Variants in ESR1 observed in about 807,000 individuals in gnomAD.
ESR1 encodes the protein estrogen receptor 1.
Under a neutral mutation model 52.7 loss-of-function variants are expected in ESR1, and 12 were observed. The observed-to-expected ratio is 0.23, with a 90% CI of 0.15 to 0.37. The LOEUF (loss-of-function observed/expected upper bound fraction) is 0.37, where lower values mean the gene tolerates loss of function less well. ESR1 is among the 10% of genes least tolerant of loss of function. ESR1 has a pLI of 1.00. For synonymous variants in ESR1, 305 were observed against 316.8 expected, an observed-to-expected ratio of 0.96 and a Z score of 0.39; for missense variants, 584 against 779.7, an observed-to-expected ratio of 0.75 and a Z score of 2.99.
At chr6:151,939,339 G>C (rs75681626) in intron 3 of ESR1, among the ~76,000 whole-genome samples, 5 of 152,124 alleles carry the variant, frequency 3.3e-5, no homozygotes, top group Admixed American at 2.6e-4. Context: ...TAGACAGTTG[G>C]GGGGTGAACT....
intron 1 of ESR1, among the ~76,000 whole-genome samples, chr6:151,808,699 C>T (rs935649489): frequency 6.6e-6 from 1 of 152,180 alleles, no homozygotes. Context: ...TGGGGGAAAA[C>T]ACCTCCAGGC....
intron 2 of ESR1, among the ~76,000 whole-genome samples, chr6:151,791,355 G>A (rs1776135963): frequency 6.6e-6 from 1 of 152,126 alleles, no homozygotes; most frequent in Admixed American, 6.5e-5. Context: ...TTATAAATGG[G>A]AGTTCTCTTT....
chr6:151,710,680 G>A (rs759816794), intron 2 of ESR1, among the ~76,000 whole-genome samples: 42 of 152,132 alleles, frequency 2.8e-4, no homozygotes, highest in Admixed American at 1.7e-3. Context: ...CCATCAACCC[G>A]TCATCTACAT....
At chr6:151,852,343 C>T (rs1348399538) in intron 2 of ESR1, among the ~76,000 whole-genome samples, 1 of 152,148 alleles carries the variant, frequency 6.6e-6, no homozygotes, top group Non-Finnish European at 1.5e-5. Context: ...GAAGGTTGCA[C>T]ATTATTAATA....
intron 3 of ESR1, among the ~76,000 whole-genome samples, chr6:151,940,101 T>A (rs2034874828): frequency 6.6e-6 from 1 of 152,090 alleles, no homozygotes; most frequent in Non-Finnish European, 1.5e-5. Context: ...GGCCTCACAG[T>A]CATGGCAGAA....
intron 4 of ESR1, among the ~76,000 whole-genome samples, chr6:152,011,066 T>C (rs754254307): frequency 7.2e-5 from 11 of 152,144 alleles, no homozygotes; most frequent in Non-Finnish European, 1.6e-4. Flanking sequence ...ATTTTGGTGG[T>C]TATTACCCGA....
intron 1 of ESR1, among the ~76,000 whole-genome samples, chr6:151,674,307 T>G (rs955321917): frequency 3.3e-5 from 5 of 152,298 alleles, no homozygotes; most frequent in East Asian, 1.9e-4. Context: ...CTGTGTTAGT[T>G]TGCTGAGAAT....
At chr6:151,958,452 G>A (rs562892317) in intron 4 of ESR1, among the ~76,000 whole-genome samples, 2 of 152,252 alleles carry the variant, frequency 1.3e-5, no homozygotes, top group East Asian at 1.9e-4. Flanking sequence ...AAGGAGTGGC[G>A]GAGCTCTGGG....
chr6:152,012,054 T>TCA (rs754526785), intron 5 of ESR1, among the ~76,000 whole-genome samples: 17 of 118,164 alleles, frequency 1.4e-4, no homozygotes, highest in East Asian at 1.0e-3. Flanking sequence ...ACACTCACAC[T>TCA]CTCTCTCTCT....
chr6:152,045,690 G>T (rs991649500), intron 5 of ESR1, among the ~76,000 whole-genome samples: 2 of 152,122 alleles, frequency 1.3e-5, no homozygotes, highest in Non-Finnish European at 2.9e-5. Context: ...CTCAATGAAG[G>T]TTAGCTTTCA....
chr6:151,686,085 TTTTA>T (rs1778659353), upstream of ESR1, among the ~76,000 whole-genome samples: 23 of 148,764 alleles, frequency 1.5e-4, no homozygotes, highest in South Asian at 4.3e-4. Flanking sequence ...TTTTTTTTTT[TTTTA>T]TTTAGAGACG....
intron 4 of ESR1, among the ~76,000 whole-genome samples, chr6:151,998,316 A>G (rs757553884): frequency 6.6e-6 from 1 of 152,170 alleles, no homozygotes; most frequent in Non-Finnish European, 1.5e-5. Context: ...GGCCTAGTCT[A>G]GCTGCCCATA....
At chr6:152,055,855 A>G (rs2047058158) in intron 5 of ESR1, among the ~76,000 whole-genome samples, 1 of 152,118 alleles carries the variant, frequency 6.6e-6, no homozygotes, top group African/African-American at 2.4e-5. Context: ...GGAAGTAAAC[A>G]TTTTTCATGG....
chr6:151,896,794 T>C (rs1366695479), intron 3 of ESR1, among the ~76,000 whole-genome samples: 1 of 152,178 alleles, frequency 6.6e-6, no homozygotes, highest in Non-Finnish European at 1.5e-5. Context: ...TTGTGCTCTT[T>C]CAGAGTTTTT....
intron 4 of ESR1, among the ~76,000 whole-genome samples, chr6:151,945,675 T>C (rs542902016): frequency 1.4e-4 from 21 of 152,346 alleles, no homozygotes; most frequent in African/African-American, 5.1e-4. Context: ...TGGTTTCTTT[T>C]AATAGATGAA....
chr6:151,942,853 G>T (rs886348332), intron 3 of ESR1, among the ~76,000 whole-genome samples: 70 of 152,046 alleles, frequency 4.6e-4, no homozygotes, highest in African/African-American at 1.6e-3. Context: ...ATAAATCTAA[G>T]AATTATGCTG....
intron 1 of ESR1, among the ~76,000 whole-genome samples, chr6:151,838,303 TG>T (rs1783714894): frequency 6.6e-6 from 1 of 152,220 alleles, no homozygotes. Flanking sequence ...GCCAGGTCTA[TG>T]ACAGGTGCAG....
At chr6:151,741,698 TACA>T (rs1412467108) in intron 2 of ESR1, among the ~76,000 whole-genome samples, 2 of 152,176 alleles carry the variant, frequency 1.3e-5, no homozygotes, top group Admixed American at 6.5e-5. Context: ...ACTTAAGGTG[TACA>T]ACATGACGTG....
chr6:151,979,047 G>A (rs1221680506), intron 4 of ESR1, among the ~76,000 whole-genome samples: 1 of 152,094 alleles, frequency 6.6e-6, no homozygotes, highest in African/African-American at 2.4e-5. Flanking sequence ...GGAGGAGGAT[G>A]AAGCTTGAAG....
Sources: gnomAD v4.1 joint callset for allele counts (sites outside exome capture counted in the v4.1 genomes callset) on GRCh38, gnomAD v4.1.1 for gene constraint, MANE v1.5 for transcripts, NCBI Gene and HGNC (gene_info 2026-07-23, HGNC 2026-07-21) for gene names.